The following ZNF875 variants were observed in gnomAD, a reference collection of about 807,000 sequenced individuals.
ZNF875 encodes HKR1, GLI-Kruppel zinc finger family member.
In ZNF875, 14 loss-of-function variants were observed where a neutral mutation model predicts 11.2. The observed-to-expected ratio is 1.26, with a 90% CI of 0.83 to 1.96. The LOEUF (loss-of-function observed/expected upper bound fraction) is 1.96. Ranked by LOEUF, ZNF875 falls within the 30% of genes most tolerant of loss-of-function variation. The pLI, the probability that ZNF875 is intolerant of heterozygous loss-of-function variation, is 0.00. For missense variants in ZNF875, 752 were observed against 760.4 expected (o/e 0.99, Z 0.13); for synonymous variants, 301 against 281.1 (o/e 1.07, Z -0.71).
At chr19:37,346,848 C>A (rs533398047) in intron 2 of ZNF875, 8 of 274,244 alleles carry the variant, frequency 2.9e-5, no homozygotes, top group East Asian at 1.2e-4. Context: ...CTCAGGGAAG[C>A]CTTTTGACCT....
In ZNF875 at chr19:37,363,285, TTGTA is replaced by T. The variant is rs2040280435; in HGVS notation, c.1438_1441del (p.Cys480ArgfsTer13). The T allele has an allele frequency of 1.9e-6, 3 of 1,609,852 alleles. No homozygotes were observed. Among genetic ancestry groups the T allele is most frequent in the Admixed American group, 3.4e-5 (2 of 59,464 alleles). ...AGGTCACACACGGGGGAGAAGCCATTTGTATGTACGGAGTGTGGGCGAGGCTTTA... is the reference window on the plus strand; with the variant it reads ...AGGTCACACACGGGGGAGAAGCCATTTGTACGGAGTGTGGGCGAGGCTTTA... On this transcript the variant is annotated frameshift_variant, in exon 5 of 5. Coordinates refer to ENST00000392153, the MANE Select transcript of ZNF875 (RefSeq NM_001353803.2). LOFTEE classifies it low-confidence loss of function (END_TRUNC).
chr19:37,320,026 T>G (rs966427277), intron 1 of ZNF875, among the ~76,000 whole-genome samples: 2 of 152,214 alleles, frequency 1.3e-5, no homozygotes, highest in African/African-American at 4.8e-5. Flanking sequence ...TAGCTGGGAC[T>G]ACAGGCACCC....
chr19:37,313,815 A>T (rs1211527401), upstream of ZNF875, among the ~76,000 whole-genome samples: 2 of 152,040 alleles, frequency 1.3e-5, no homozygotes, highest in Non-Finnish European at 2.9e-5. Flanking sequence ...TAGGCAATGC[A>T]GTTTTTCAAT....
intron 4 of ZNF875, among the ~76,000 whole-genome samples, chr19:37,327,219 C>T (rs12974717): frequency 2.0e-5 from 3 of 151,420 alleles, no homozygotes; most frequent in Non-Finnish European, 4.4e-5. Context: ...TTTTGAACTC[C>T]TGACCTCAGG....
upstream of ZNF875, among the ~76,000 whole-genome samples, chr19:37,314,363 A>G (rs2030091963): frequency 6.6e-6 from 1 of 152,086 alleles, no homozygotes; most frequent in South Asian, 2.1e-4. Flanking sequence ...TGATACTCCC[A>G]CCTTGGCCTC....
intron 2 of ZNF875, chr19:37,345,073 C>T (rs1292440492): frequency 7.1e-6 from 2 of 281,306 alleles, no homozygotes; most frequent in South Asian, 4.8e-5. Context: ...CTACAGTGAC[C>T]TCTCCCTCTT....
In ZNF875 at chr19:37,362,171, C is replaced by G. The variant is rs554577004; in HGVS notation, c.319C>G (p.Leu107Val). The change falls in exon 5 of 5, where the codon CTC (leucine) becomes GTC (valine). Residue 107 changes from leucine to valine, a missense_variant. Leu to Val is a conservative substitution (Grantham distance 32). Coordinates refer to ENST00000392153, the MANE Select transcript of ZNF875 (RefSeq NM_001353803.2). The stretch of plus-strand genomic sequence containing the variant: ...TCTGATTTTCTCCAGTCAGCAAGCT[C>G]TCAGCCAACATGTGTGGCTGAGTCA... ...CPLIFSSQQA[L>V]SQHVWLSHLS... The G allele has an allele frequency of 6.2e-7, 1 of 1,614,180 alleles. No individual in the cohort carries two copies. Among genetic ancestry groups the G allele is most frequent in the Non-Finnish European group, 8.5e-7 (1 of 1,180,028 alleles).
chr19:37,350,534 GACATTGGTACAGT>G (rs1294083222), intron 4 of ZNF875, among the ~76,000 whole-genome samples: 1 of 152,046 alleles, frequency 6.6e-6, no homozygotes, highest in Non-Finnish European at 1.5e-5. Context: ...CCAGGTAACT[GACATTGGTACAGT>G]ACTATTGAGT....
chr19:37,357,964 G>T (rs977816852), intron 4 of ZNF875: 1 of 398,124 alleles, frequency 2.5e-6, no homozygotes, highest in African/African-American at 2.1e-5. Context: ...CTTCTTAGGG[G>T]GAATGGTTTC....
chr19:37,321,407 A>G (rs1439092000), intron 1 of ZNF875, among the ~76,000 whole-genome samples: 1 of 152,148 alleles, frequency 6.6e-6, no homozygotes, highest in Non-Finnish European at 1.5e-5. Flanking sequence ...TTTATGACAC[A>G]GAGATATTCA....
chr19:37,314,345 G>A (rs571349102), upstream of ZNF875, among the ~76,000 whole-genome samples: 2 of 152,084 alleles, frequency 1.3e-5, no homozygotes, highest in Non-Finnish European at 1.5e-5. Context: ...CAAACTCCTG[G>A]GCTCAAATGA....
At chr19:37,348,187 C>T (rs1239261753) in intron 4 of ZNF875, among the ~76,000 whole-genome samples, 3 of 152,148 alleles carry the variant, frequency 2.0e-5, no homozygotes, top group Non-Finnish European at 2.9e-5. Context: ...GTTAAGTCTA[C>T]GACACTTCTA....
chr19:37,363,573 C>T lies in ZNF875; in HGVS notation c.1721C>T (p.Thr574Ile). The change falls in exon 5 of 5, where the codon ACT becomes ATT. Residue 574 changes from threonine (T) to isoleucine (I), a missense_variant. Physicochemically the swap from Thr to Ile is moderately conservative, Grantham distance 89. Coordinates refer to ENST00000392153, the MANE Select transcript of ZNF875 (RefSeq NM_001353803.2). ...GGGCAAGGCTTTTGTGCTAAGTTAACTCTCATTAAACACCAGAGAGCACAC... is the reference window on the plus strand; with the variant it reads ...GGGCAAGGCTTTTGTGCTAAGTTAATTCTCATTAAACACCAGAGAGCACAC... ...ECGQGFCAKL[T>I]LIKHQRAHAG... The T allele has an allele frequency of 6.2e-7, 1 of 1,611,324 alleles. No individual in the cohort carries two copies. Among genetic ancestry groups the T allele is most frequent in the Non-Finnish European group, 8.5e-7 (1 of 1,178,718 alleles).
In ZNF875 at chr19:37,355,862, T is replaced by C. The variant is rs535324288; in HGVS notation, c.257-6247T>C. On this transcript the variant is annotated intron_variant, in intron 4 of 4. Transcript: ENST00000392153. ...ATTATGTAATGCTGGGGTTTGGGGCTTCTATTGAACCTATCACCCAAATAG... is the reference window on the plus strand; with the variant it reads ...ATTATGTAATGCTGGGGTTTGGGGCCTCTATTGAACCTATCACCCAAATAG... 4.1e-4 allele frequency among the ~76,000 whole-genome samples: 62 copies of C among 152,190 alleles called. 1 individual carries two copies. The highest frequency in any genetic ancestry group is 7.6e-4 in the Non-Finnish European group (52 of 68,044).
rs1447403228 is a variant in ZNF875, at chr19:37,363,086, C to T, written c.1234C>T (p.His412Tyr). ...TAGCCAGAAGTCACACCTCATCAGA[C>T]ACTTAAGGACACACACAGGAGAGAA... ...GFSQKSHLIRHLRTHTGEKPY... is the reference protein window; with the variant it reads ...GFSQKSHLIRYLRTHTGEKPY... Residue 412 changes from histidine (H) to tyrosine (Y), a missense_variant, in exon 5 of 5, where the codon CAC (histidine) becomes TAC (tyrosine). Coordinates refer to ENST00000392153, the MANE Select transcript of ZNF875 (RefSeq NM_001353803.2). 6.2e-7 allele frequency: 1 copy of T among 1,613,964 alleles called. No individual in the cohort carries two copies.
chr19:37,353,089 G>C (rs987195300), intron 4 of ZNF875, among the ~76,000 whole-genome samples: 3 of 151,920 alleles, frequency 2.0e-5, no homozygotes, highest in Admixed American at 2.0e-4. Flanking sequence ...GGCCAGGCTG[G>C]TCTCGAACTC....
At chr19:37,355,572 T>C (rs149613860) in intron 4 of ZNF875, among the ~76,000 whole-genome samples, 2 of 152,340 alleles carry the variant, frequency 1.3e-5, no homozygotes, top group African/African-American at 4.8e-5. Flanking sequence ...TCAGTAAACT[T>C]AACTTTGATA....
In ZNF875 at chr19:37,363,029, C is replaced by G. The variant is rs762746101; in HGVS notation, c.1177C>G (p.Pro393Ala). Residue 393 changes from proline to alanine, a missense_variant, in exon 5 of 5, where the codon CCT becomes GCT. Physicochemically the swap from Pro to Ala is conservative, Grantham distance 27 (BLOSUM62 -1). Coordinates refer to ENST00000392153, the MANE Select transcript of ZNF875 (RefSeq NM_001353803.2). ...CAAGAGGACACATTCAGGAGAGAAG[C>G]CTTACATTTGCAGGGAGTGTGAGCA... ...RHKRTHSGEKPYICRECEQGF... is the reference protein window; with the variant it reads ...RHKRTHSGEKAYICRECEQGF... The G allele has an allele frequency of 3.7e-6, 6 of 1,614,204 alleles. No individual in the cohort carries two copies. Among genetic ancestry groups the G allele is most frequent in the East Asian group, 2.2e-5 (1 of 44,876 alleles).
At chr19:37,325,594 G>A (rs1024625188) in intron 4 of ZNF875, among the ~76,000 whole-genome samples, 5 of 150,598 alleles carry the variant, frequency 3.3e-5, no homozygotes, top group African/African-American at 1.2e-4. Flanking sequence ...TGCCCAGGCT[G>A]GAATGCAGTG....
Sources: gnomAD v4.1 joint callset for allele counts (sites outside exome capture counted in the v4.1 genomes callset) on GRCh38, gnomAD v4.1.1 for gene constraint, MANE v1.5 for transcripts, NCBI Gene and HGNC (gene_info 2026-07-23, HGNC 2026-07-21) for gene names.